SYCP2L: variants seen among roughly 807,000 people sequenced by gnomAD.
SYCP2L encodes the protein synaptonemal complex protein 2 like.
SYCP2L carries 98 observed loss-of-function variants against 125.8 expected under a neutral mutation model. The ratio of observed to expected loss-of-function variants is 0.78; its 90% confidence interval spans 0.66 to 0.92. The LOEUF is 0.92. Among genes scored for constraint, SYCP2L ranks in the 40% least tolerant of loss-of-function variants. SYCP2L has a pLI of 0.00. For missense variants in SYCP2L, 842 were observed against 936.4 expected, an observed-to-expected ratio of 0.90 and a Z score of 1.32; for synonymous variants, 317 against 325.4, an observed-to-expected ratio of 0.97 and a Z score of 0.28.
chr6:10,951,481 T>C (rs1781409095), intron 23 of SYCP2L, among the ~76,000 whole-genome samples: 1 of 152,208 alleles, frequency 6.6e-6, no homozygotes, highest in Admixed American at 6.5e-5. Flanking sequence ...CTTGATTCGC[T>C]ATTTAAGCAT....
chr6:10,941,827 A>T (rs1331291198), intron 21 of SYCP2L, among the ~76,000 whole-genome samples: 2 of 152,112 alleles, frequency 1.3e-5, no homozygotes, highest in African/African-American at 4.8e-5. Flanking sequence ...GGATTATAAA[A>T]CATGCTGCTA....
rs776353882 is a variant in SYCP2L at position 10,898,106 on chromosome 6, C to A, written c.432C>A (p.Asp144Glu). Reference protein sequence around the residue: ...SLICVIEDFFDTALIISRSSS... With the variant: ...SLICVIEDFFETALIISRSSS... The stretch of plus-strand genomic sequence containing the variant: ...TTTGTGTTATAGAAGATTTCTTTGA[C>A]ACTGCATTGGTAAGGATGGGATGGA... Residue 144 changes from aspartate (D) to glutamate (E), a missense_variant, in exon 5 of 30, where the codon GAC becomes GAA. By Grantham distance (45) the Asp-to-Glu change is conservative. Transcript: ENST00000283141. 6.2e-7 allele frequency: 1 copy of A among 1,612,578 alleles called. No homozygotes were observed. Among genetic ancestry groups the A allele is most frequent in the Non-Finnish European group, 8.5e-7 (1 of 1,178,698 alleles).
chr6:10,928,859 C>A (rs950370803), intron 18 of SYCP2L, among the ~76,000 whole-genome samples: 1 of 151,654 alleles, frequency 6.6e-6, no homozygotes, highest in African/African-American at 2.4e-5. Context: ...AATTTTTTGA[C>A]CATCCCCTCC....
chr6:10,921,958 G>A (rs763410731), intron 14 of SYCP2L, among the ~76,000 whole-genome samples: 1 of 152,022 alleles, frequency 6.6e-6, no homozygotes. Context: ...TGCCCGCCTC[G>A]GCCTCCCAAA....
chr6:10,916,046 A>G (rs1581824618), intron 14 of SYCP2L, among the ~76,000 whole-genome samples: 1 of 152,270 alleles, frequency 6.6e-6, no homozygotes, highest in Non-Finnish European at 1.5e-5. Flanking sequence ...GATTTAAGCT[A>G]GGAGGGTTGT....
In SYCP2L at chr6:10,954,087, A is replaced by G. The variant is rs1781458037; in HGVS notation, c.1955-1029A>G. On this transcript the variant is annotated intron_variant, in intron 23 of 29. Transcript: ENST00000283141. This position sits in a 1 kb window ranked among gnomAD's most constrained non-coding sequence, Gnocchi z 4.8. ...CCGCATCGCCCTGCCTCTCGCACAT[A>G]GTAACGTCCACATATTCATGGAATG... Among the ~76,000 whole-genome samples the G allele has an allele frequency of 6.6e-6, 1 of 152,216 alleles. No individual in the cohort carries two copies. Among genetic ancestry groups the G allele is most frequent in the Non-Finnish European group, 1.5e-5 (1 of 68,046 alleles).
chr6:10,918,856 C>T (rs1296938917), intron 14 of SYCP2L, among the ~76,000 whole-genome samples: 2 of 152,084 alleles, frequency 1.3e-5, no homozygotes, highest in East Asian at 1.9e-4. Flanking sequence ...TCCACTTGTT[C>T]GATTCTATTG....
intron 1 of SYCP2L, 138 bp downstream of exon 1, chr6:10,887,273 C>A: frequency 8.4e-7 from 1 of 1,195,108 alleles, no homozygotes; most frequent in Non-Finnish European, 1.2e-6. Context: ...CCCCCGCCAC[C>A]TCCTTGGGTT....
intron 23 of SYCP2L, among the ~76,000 whole-genome samples, chr6:10,947,150 C>G (rs73446351): frequency 0.041 from 6,285 of 152,046 alleles, 441 homozygotes; most frequent in African/African-American, 0.14. Flanking sequence ...CTTTCTAGAG[C>G]TACTAGGTCC....
At position 10,912,639 on chromosome 6, in the gene SYCP2L, T is replaced by C; in HGVS notation, c.919-34T>C. The C allele has an allele frequency of 6.9e-7, 1 of 1,443,226 alleles. No homozygotes were observed. The highest frequency in any genetic ancestry group is 9.7e-7 in the Non-Finnish European group (1 of 1,032,864). The allele number at this position is 1,443,226 out of a possible 1,614,324, so 89.4% of individuals were successfully genotyped here. A position where few individuals can be genotyped will look rare whatever the true frequency, so the allele number is the denominator to read the frequency against. ...ATCTGACCCTATAGCATGATTTTTA[T>C]GTGTATAAGTCATGCTGAAATGATC... is the stretch of plus-strand genomic sequence containing the variant. On this transcript the variant is annotated intron_variant, in intron 12 of 29. Transcript: ENST00000283141. This position sits in a 1 kb window ranked among gnomAD's most constrained non-coding sequence, Gnocchi z 4.1.
Position 10,954,558 on chromosome 6 carries a change from A to AG in SYCP2L, c.1955-557dup, listed in dbSNP as rs1290428108. 6.6e-6 allele frequency among the ~76,000 whole-genome samples: 1 copy of AG among 152,184 alleles called. No individual in the cohort carries two copies. Among genetic ancestry groups the AG allele is most frequent in the Non-Finnish European group, 1.5e-5 (1 of 68,028 alleles). ...GAGGACCAGACATGTCTGGGATAAAAGTGAACATCAGAATAGAAAATATTT... is the reference window on the plus strand; with the variant it reads ...GAGGACCAGACATGTCTGGGATAAAAGGTGAACATCAGAATAGAAAATATTT... On this transcript the variant is annotated intron_variant, in intron 23 of 29. Coordinates refer to ENST00000283141, the MANE Select transcript of SYCP2L (RefSeq NM_001040274.3). This position sits in a 1 kb window ranked among gnomAD's most constrained non-coding sequence, Gnocchi z 4.8.
At chr6:10,942,400 A>G (rs1389062962) in intron 21 of SYCP2L, 59 bp from the exon 22 acceptor site, 12 of 1,100,264 alleles carry the variant, frequency 1.1e-5, no homozygotes, top group Non-Finnish European at 1.4e-5. Context: ...AATGATAGTG[A>G]ATTCTTATTG....
At chr6:10,958,275 C>CT (rs1781538821) in intron 25 of SYCP2L, among the ~76,000 whole-genome samples, 1 of 151,994 alleles carries the variant, frequency 6.6e-6, no homozygotes. Context: ...AAGCATGGCA[C>CT]TGGCATCTGC....
intron 29 of SYCP2L, among the ~76,000 whole-genome samples, chr6:10,967,457 GT>G (rs1561704217): frequency 8.9e-4 from 119 of 134,234 alleles, no homozygotes; most frequent in African/African-American, 2.5e-3. Context: ...GGTAGAGGGT[GT>G]GTGTGTGTGT....
chr6:10,942,477 CACTG>C lies in SYCP2L; in HGVS notation c.1834_1837del (p.Leu612ValfsTer6). Reference sequence around the variant, plus strand: ...TGCTCAGAGCTTCAAGATCCTCACTCACTGAGTGAGCTCTCTTCCTTGAAGCACT... The same window carrying C: ...TGCTCAGAGCTTCAAGATCCTCACTCAGTGAGCTCTCTTCCTTGAAGCACT... On this transcript the variant is annotated frameshift_variant, in exon 22 of 30. Coordinates refer to ENST00000283141, the MANE Select transcript of SYCP2L (RefSeq NM_001040274.3). LOFTEE classifies it high-confidence loss of function. 6.3e-7 allele frequency: 1 copy of C among 1,592,356 alleles called. No individual in the cohort carries two copies. Among genetic ancestry groups the C allele is most frequent in the Non-Finnish European group, 8.5e-7 (1 of 1,173,438 alleles).
At chr6:10,967,462 T>G (rs1038958467) in intron 29 of SYCP2L, among the ~76,000 whole-genome samples, 1 of 145,966 alleles carries the variant, frequency 6.9e-6, no homozygotes, top group Non-Finnish European at 1.5e-5. Flanking sequence ...AGGGTGTGTG[T>G]GTGTGTGTGT....
At chr6:10,927,905 T>G (rs191264306) in intron 17 of SYCP2L, among the ~76,000 whole-genome samples, 12 of 152,290 alleles carry the variant, frequency 7.9e-5, no homozygotes, top group East Asian at 5.8e-4. Context: ...CTTTCTCAGG[T>G]ATGTTCCTTG....
intron 14 of SYCP2L, among the ~76,000 whole-genome samples, chr6:10,923,683 CTTTTTT>C (rs372980518): frequency 5.7e-5 from 7 of 122,348 alleles, no homozygotes; most frequent in South Asian, 2.7e-4. Flanking sequence ...TTTTCTTTTT[CTTTTTT>C]TTTTTTTTTC....
intron 14 of SYCP2L, among the ~76,000 whole-genome samples, chr6:10,913,691 C>G (rs1780644136): frequency 6.6e-6 from 1 of 152,006 alleles, no homozygotes. Context: ...GCTGACTGTT[C>G]CTTTTGCCAC....
Sources: gnomAD v4.1 joint callset for allele counts (sites outside exome capture counted in the v4.1 genomes callset) on GRCh38, gnomAD v4.1.1 for gene constraint, Gnocchi (gnomAD v3.1) non-coding constraint, MANE v1.5 for transcripts, NCBI Gene and HGNC (gene_info 2026-07-23, HGNC 2026-07-21) for gene names.